Variants in RAB6A observed in about 807,000 individuals in gnomAD.
RAB6A encodes the protein RAB6A, member RAS oncogene family, also known as ras-related protein Rab-6A.
A neutral mutation model predicts 32.3 loss-of-function variants in RAB6A; 8 were observed. That is an observed-to-expected ratio of 0.25 (90% confidence interval 0.15 to 0.45). The LOEUF is 0.45. Ranked by LOEUF, RAB6A falls within the 20% of genes least tolerant of loss-of-function variation. The pLI, the probability that RAB6A is intolerant of heterozygous loss-of-function variation, is 1.00. For missense variants in RAB6A, 104 were observed against 249.4 expected, an observed-to-expected ratio of 0.42 and a Z score of 3.93; for synonymous variants, 73 against 82.1, an observed-to-expected ratio of 0.89 and a Z score of 0.60.
intron 1 of RAB6A, chr11:73,760,014 T>A: frequency 7.8e-7 from 1 of 1,286,524 alleles, no homozygotes; most frequent in South Asian, 1.2e-5. Flanking sequence ...CAGGTGAAAA[T>A]CATTTAATTT....
chr11:73,714,229 T>C (rs10898938), intron 5 of RAB6A, among the ~76,000 whole-genome samples: 1,877 of 117,432 alleles, frequency 0.016, 23 homozygotes, highest in East Asian at 0.056. Flanking sequence ...TATATATATA[T>C]ACACACATAT....
chr11:73,737,192 C>T (rs1477996895), intron 1 of RAB6A, among the ~76,000 whole-genome samples: 3 of 151,990 alleles, frequency 2.0e-5, no homozygotes, highest in Admixed American at 2.0e-4. Context: ...AAGAAGAACT[C>T]ACAATGGAAA....
At chr11:73,702,623 C>A (rs1224392370) in intron 6 of RAB6A, among the ~76,000 whole-genome samples, 1 of 152,104 alleles carries the variant, frequency 6.6e-6, no homozygotes, top group Non-Finnish European at 1.5e-5. Context: ...TTACAAATGA[C>A]TGAAATATTA....
At chr11:73,715,220 T>C (rs754316321) in intron 5 of RAB6A, among the ~76,000 whole-genome samples, 27 of 152,184 alleles carry the variant, frequency 1.8e-4, no homozygotes, top group Non-Finnish European at 2.8e-4. Context: ...TCCGCTCCCC[T>C]GGTTCAAGCA....
intron 1 of RAB6A, among the ~76,000 whole-genome samples, chr11:73,750,094 G>A (rs138205551): frequency 2.6e-5 from 4 of 152,286 alleles, no homozygotes; most frequent in African/African-American, 7.2e-5. Flanking sequence ...TGAGAGATAC[G>A]AAGGTAGACG....
chr11:73,734,527 C>T (rs1394914584), intron 1 of RAB6A, among the ~76,000 whole-genome samples: 1 of 152,150 alleles, frequency 6.6e-6, no homozygotes, highest in Non-Finnish European at 1.5e-5. Flanking sequence ...GGACCAGTTT[C>T]ATGGAAGACA....
At position 73,700,895 on chromosome 11, in the gene RAB6A, G is replaced by A. The variant is rs532543386; in HGVS notation, c.495+6525C>T. On this transcript the variant is annotated intron_variant, in intron 6 of 7. Transcript: ENST00000336083. The stretch of plus-strand genomic sequence containing the variant: ...AGGGTTAAGCACAGGACATTTTTAA[G>A]TAAGAAGGCAAAGTAGTATTATTGG... Among the ~76,000 whole-genome samples the A allele has an allele frequency of 3.5e-4, 53 of 152,272 alleles. 2 individuals carry two copies. The South Asian group carries it at 0.011, about 31-fold the overall frequency.
intron 1 of RAB6A, among the ~76,000 whole-genome samples, chr11:73,744,013 T>A (rs1351652333): frequency 6.6e-6 from 1 of 152,020 alleles, no homozygotes; most frequent in Non-Finnish European, 1.5e-5. Context: ...AAGTTCAACA[T>A]GGACAACATG....
intron 5 of RAB6A, among the ~76,000 whole-genome samples, chr11:73,709,432 T>G (rs1333244963): frequency 7.6e-6 from 1 of 130,752 alleles, no homozygotes; most frequent in Admixed American, 8.9e-5. Context: ...GTTTTCTCCT[T>G]AAGTATATTA....
At chr11:73,707,125 GAAAA>G (rs397744539) in intron 6 of RAB6A, among the ~76,000 whole-genome samples, 1 of 116,256 alleles carries the variant, frequency 8.6e-6, no homozygotes, top group East Asian at 2.4e-4. Flanking sequence ...TCTCAAAAAA[GAAAA>G]AAAAAAAAAA....
At chr11:73,698,144 C>CCT (rs1203523468) in intron 6 of RAB6A, among the ~76,000 whole-genome samples, 3 of 152,128 alleles carry the variant, frequency 2.0e-5, no homozygotes, top group African/African-American at 7.2e-5. Context: ...TCACTTGAAC[C>CCT]CTGGAGGCAG....
intron 1 of RAB6A, among the ~76,000 whole-genome samples, chr11:73,745,527 T>C (rs773352592): frequency 3.9e-5 from 6 of 152,138 alleles, no homozygotes; most frequent in Admixed American, 6.6e-5. Flanking sequence ...GGTGGATCAC[T>C]TGAGGTCGGG....
At chr11:73,749,559 A>C (rs1039528912) in intron 1 of RAB6A, among the ~76,000 whole-genome samples, 17 of 152,074 alleles carry the variant, frequency 1.1e-4, no homozygotes, top group African/African-American at 3.9e-4. Context: ...AGAAACCAAA[A>C]TAGGCTGGGC....
At position 73,735,937 on chromosome 11, in the gene RAB6A, A is replaced by AAAG. The variant is rs56012322; in HGVS notation, c.71-5115_71-5114insCTT. Among the ~76,000 whole-genome samples the AAAG allele has an allele frequency of 1.1e-3, 136 of 123,592 alleles. 4 individuals carry two copies. The East Asian group carries it at 0.015, about 13-fold the overall frequency. 81.1% of individuals were successfully genotyped at this position (123,592 alleles called of 152,430 possible). ...CCTTGCCTTAAAAAAAAAAAAAAAAAAGAGAGAGAGAGACAGAGAGAGATA... is the reference window on the plus strand; with the variant it reads ...CCTTGCCTTAAAAAAAAAAAAAAAAAAAGAGAGAGAGAGAGACAGAGAGAGATA... On this transcript the variant is annotated intron_variant, in intron 1 of 7. Transcript: ENST00000336083.
At chr11:73,696,968 A>C (rs1945664768) in intron 6 of RAB6A, among the ~76,000 whole-genome samples, 1 of 152,196 alleles carries the variant, frequency 6.6e-6, no homozygotes, top group Non-Finnish European at 1.5e-5. Flanking sequence ...TTCCTCTCTC[A>C]CTGGGAATAA....
At chr11:73,707,299 A>T in intron 6 of RAB6A, 121 bp downstream of exon 6, 1 of 647,732 alleles carries the variant, frequency 1.5e-6, no homozygotes, top group Non-Finnish European at 2.7e-6. Context: ...CTGTTTGAAA[A>T]TATACTGCTA....
chr11:73,692,719 C>T (rs1483171944), intron 6 of RAB6A, among the ~76,000 whole-genome samples: 1 of 137,676 alleles, frequency 7.3e-6, no homozygotes. Context: ...GGGAGGCGGG[C>T]GGATCACAAG....
In RAB6A at chr11:73,676,541, AAATAT is replaced by A. The variant is rs1281786127; in HGVS notation, c.*1352_*1356del. 1.2e-5 allele frequency: 2 copies of A among 167,074 alleles called. No homozygotes were observed. Among genetic ancestry groups the A allele is most frequent in the South Asian group, 4.1e-4 (2 of 4,830 alleles). 10.3% of individuals were successfully genotyped at this position (167,074 alleles called of 1,614,324 possible). A position where few individuals can be genotyped will look rare whatever the true frequency, so the allele number is the denominator to read the frequency against. ...AAAGAAAAAAGATTAATTGTAGCTT[AAATAT>A]AAAACTAAATCACCAGTTAATTAAA... On this transcript the variant is annotated 3_prime_UTR_variant, in exon 8 of 8. Transcript: ENST00000336083.
Position 73,720,974 on chromosome 11 carries a change from C to A in RAB6A, c.130-75G>T, listed in dbSNP as rs1031144199. On this transcript the variant is annotated intron_variant, in intron 2 of 7. Coordinates refer to ENST00000336083, the MANE Select transcript of RAB6A (RefSeq NM_198896.2). ...AGCAGTTTAGGATTCAAATGGGATTCATGATTGTGGAAGAAATAATGAATA... is the reference window on the plus strand; with the variant it reads ...AGCAGTTTAGGATTCAAATGGGATTAATGATTGTGGAAGAAATAATGAATA... The A allele has an allele frequency of 2.0e-5, 20 of 1,024,856 alleles. No individual in the cohort carries two copies. The African/African-American group carries it at 2.9e-4, about 15-fold the overall frequency. The allele number at this position is 1,024,856 out of a possible 1,614,324, so 63.5% of individuals were successfully genotyped here. A position where few individuals can be genotyped will look rare whatever the true frequency, so the allele number is the denominator to read the frequency against.
Sources: gnomAD v4.1 joint callset for allele counts (sites outside exome capture counted in the v4.1 genomes callset) on GRCh38, gnomAD v4.1.1 for gene constraint, MANE v1.5 for transcripts, NCBI Gene and HGNC (gene_info 2026-07-23, HGNC 2026-07-21) for gene names.